DACT3: variants seen among roughly 807,000 people sequenced by gnomAD.
DACT3 encodes the protein dishevelled binding antagonist of beta catenin 3.
In DACT3, 5 loss-of-function variants were observed where a neutral mutation model predicts 19.6. That is an observed-to-expected ratio of 0.26 (90% CI 0.13 to 0.54). DACT3 has a LOEUF of 0.54. Among genes scored for constraint, DACT3 ranks in the 20% least tolerant of loss-of-function variants. DACT3 has a pLI of 0.95. For missense variants in DACT3, 908 were observed against 927.4 expected, an observed-to-expected ratio of 0.98 and a Z score of 0.27; for synonymous variants, 454 against 428.1, an observed-to-expected ratio of 1.06 and a Z score of -0.75.
In DACT3 at chr19:46,649,439, C is replaced by A; in HGVS notation, c.933G>T (p.Gly311=). ...AGGCGGCAGGGCTGGTGGGGTGGCCCCCGACGCGCTCCAACGAGGGCTCCC... is the reference window on the plus strand; with the variant it reads ...AGGCGGCAGGGCTGGTGGGGTGGCCACCGACGCGCTCCAACGAGGGCTCCC... ...PAREPSLERV[G]GHPTSPAALS... The change falls in exon 4 of 4, where the codon GGG becomes GGT. Residue 311 remains glycine, a synonymous_variant. Coordinates refer to ENST00000391916, the MANE Select transcript of DACT3 (RefSeq NM_145056.3). The A allele has an allele frequency of 8.1e-7, 1 of 1,238,298 alleles. No individual in the cohort carries two copies. Among genetic ancestry groups the A allele is most frequent in the Non-Finnish European group, 1.0e-6 (1 of 983,198 alleles). 76.7% of individuals were successfully genotyped at this position (1,238,298 alleles called of 1,614,324 possible). A position where few individuals can be genotyped will look rare whatever the true frequency, so the allele number is the denominator to read the frequency against.
Position 46,649,868 on chromosome 19 carries a change from G to A in DACT3, c.504C>T (p.Asp168=), listed in dbSNP as rs1378605852. 7.2e-7 allele frequency: 1 copy of A among 1,380,826 alleles called. No homozygotes were observed. The highest frequency in any genetic ancestry group is 9.3e-7 in the Non-Finnish European group (1 of 1,075,188). 85.5% of individuals were successfully genotyped at this position (1,380,826 alleles called of 1,614,324 possible). Residue 168 remains aspartate, a synonymous_variant, in exon 4 of 4, where the codon GAC becomes GAT. Coordinates refer to ENST00000391916, the MANE Select transcript of DACT3 (RefSeq NM_145056.3). ...CCACCTCCGGAGCGCTGGGACTGGC[G>A]TCTCCTAGGGAAGGAAGGCCAAAAA... ...YASERPKSLG[D]ASPSAPEVVG... is the part of the protein sequence containing the mutation.
intron 1 of DACT3, among the ~76,000 whole-genome samples, chr19:46,658,208 C>T (rs894672351): frequency 6.8e-6 from 1 of 147,922 alleles, no homozygotes; most frequent in Non-Finnish European, 1.5e-5. Context: ...GCCTGAACAA[C>T]ATAGCAAGAC....
At chr19:46,650,103 A>G in intron 3 of DACT3, 1 of 307,914 alleles carries the variant, frequency 3.2e-6, no homozygotes, top group Non-Finnish European at 5.8e-6. Context: ...CTGCCTCTCC[A>G]ACTCTCACAA....
At chr19:46,655,430 T>C (rs2053025542) in intron 1 of DACT3, among the ~76,000 whole-genome samples, 3 of 151,754 alleles carry the variant, frequency 2.0e-5, no homozygotes, top group African/African-American at 4.8e-5. Flanking sequence ...CTGGCCAACA[T>C]GGTGAAACCC....
chr19:46,659,242 G>A (rs1167165721), intron 1 of DACT3: 4 of 985,382 alleles, frequency 4.1e-6, no homozygotes, highest in Non-Finnish European at 4.8e-6. Flanking sequence ...AGACTGGGGG[G>A]TGGGGGGACA....
Position 46,648,612 on chromosome 19 carries a change from C to A in DACT3, c.1760G>T (p.Gly587Val), listed in dbSNP as rs899038967. ...QQLVAATAAS[G>V]GGAGAGAPAG... ...GGGCGCCCCTGCACCTGCTCCACCC[C>A]CAGAGGCCGCGGTGGCCGCCACCAG... Residue 587 changes from glycine (G) to valine (V), a missense_variant, in exon 4 of 4, where the codon GGG becomes GTG. By Grantham distance (109) the Gly-to-Val change is moderately radical. Around this residue, in one of 2 missense-constraint regions of DACT3, gnomAD observed 656 missense variants for 601.8 expected, o/e 1.09. Transcript: ENST00000391916. The surrounding 1 kb of genome is among the most constrained non-coding windows in gnomAD (Gnocchi z 5.1). 1 of 1,613,074 alleles carries A rather than the reference C, an allele frequency of 6.2e-7. No homozygotes were observed. Among genetic ancestry groups the A allele is most frequent in the Admixed American group, 1.7e-5 (1 of 60,002 alleles).
intron 1 of DACT3, among the ~76,000 whole-genome samples, chr19:46,655,852 G>A (rs1024918137): frequency 1.3e-5 from 2 of 151,176 alleles, no homozygotes; most frequent in African/African-American, 2.4e-5. Context: ...CGGGAGGATC[G>A]CTGGAGGCCG....
rs1402043840 is a variant in DACT3 at position 46,648,746 on chromosome 19, G to A, written c.1626C>T (p.Gly542=). The A allele has an allele frequency of 1.9e-6, 3 of 1,584,558 alleles. No individual in the cohort carries two copies. The highest frequency in any genetic ancestry group is 1.3e-5 in the African/African-American group (1 of 74,412). The part of the protein sequence containing the change: ...LGRRGPAGGV[G]GGYGESESSA... ...TCGATTCGCTCTCCCCGTAACCCCC[G>A]CCGACGCCTCCCGCAGGCCCCCGGC... The change falls in exon 4 of 4, where the codon GGC becomes GGT. Residue 542 remains glycine, a synonymous_variant. Transcript: ENST00000391916. This position sits in a 1 kb window ranked among gnomAD's most constrained non-coding sequence, Gnocchi z 5.1.
chr19:46,658,990 A>C (rs951493860), intron 1 of DACT3: 8 of 677,300 alleles, frequency 1.2e-5, no homozygotes, highest in Non-Finnish European at 1.5e-5. Flanking sequence ...CCTATTAGAA[A>C]GTAATCAAGT....
rs951686456 is a variant in DACT3, at chr19:46,649,501, C to T, written c.871G>A (p.Asp291Asn). Residue 291 changes from aspartate to asparagine, a missense_variant, in exon 4 of 4, where the codon GAC (aspartate) becomes AAC (asparagine). Physicochemically the swap from Asp to Asn is conservative, Grantham distance 23 (BLOSUM62 1). This residue lies in a region of DACT3 where 656 missense variants were observed against 601.8 expected (regional missense o/e 1.09). Coordinates refer to ENST00000391916, the MANE Select transcript of DACT3 (RefSeq NM_145056.3). ...GCGCTGCCGGGGGACGGAGACGCGT[C>T]GGGCGGCCGCTGGCGCACGCTGTTC... ...RQNSVRQRPPDASPSPGSARP... is the reference protein window; with the variant it reads ...RQNSVRQRPPNASPSPGSARP... The T allele has an allele frequency of 9.4e-5, 104 of 1,104,390 alleles. No individual in the cohort carries two copies. The African/African-American group carries it at 1.6e-3, about 17-fold the overall frequency. 68.4% of individuals were successfully genotyped at this position (1,104,390 alleles called of 1,614,324 possible). A position where few individuals can be genotyped will look rare whatever the true frequency, so the allele number is the denominator to read the frequency against.
Position 46,649,469 on chromosome 19 carries a change from G to C in DACT3, c.903C>G (p.Pro301=), listed in dbSNP as rs1263070754. The part of the protein sequence containing the change: ...DASPSPGSAR[P]AREPSLERVG... ...CGCGCTCCAACGAGGGCTCCCGCGC[G>C]GGTCGCGCGCTGCCGGGGGACGGAG... The change falls in exon 4 of 4, where the codon CCC becomes CCG. Residue 301 remains proline, a synonymous_variant. Transcript: ENST00000391916. The C allele has an allele frequency of 2.6e-6, 3 of 1,169,196 alleles. No homozygotes were observed. The highest frequency in any genetic ancestry group is 3.2e-6 in the Non-Finnish European group (3 of 947,848). 72.4% of individuals were successfully genotyped at this position (1,169,196 alleles called of 1,614,324 possible). A position where few individuals can be genotyped will look rare whatever the true frequency, so the allele number is the denominator to read the frequency against.
Position 46,648,417 on chromosome 19 carries a change from G to A in DACT3, c.*65C>T. On this transcript the variant is annotated 3_prime_UTR_variant, in exon 4 of 4. Coordinates refer to ENST00000391916, the MANE Select transcript of DACT3 (RefSeq NM_145056.3). The surrounding 1 kb of genome is among the most constrained non-coding windows in gnomAD (Gnocchi z 5.1). ...GGTCTTTGGAAGGTAGATGTGGAAG[G>A]GTCAGTGGTTGGGAGTGTGGAGGTG... 2 of 1,609,308 alleles carry A rather than the reference G, an allele frequency of 1.2e-6. No homozygotes were observed. Among genetic ancestry groups the A allele is most frequent in the East Asian group, 4.5e-5 (2 of 44,808 alleles).
In DACT3 at chr19:46,653,067, C is replaced by T. The variant is rs377403701; in HGVS notation, c.258G>A (p.Leu86=). The change falls in exon 2 of 4, where the codon CTG becomes CTA. Residue 86 remains leucine, a synonymous_variant. Coordinates refer to ENST00000391916, the MANE Select transcript of DACT3 (RefSeq NM_145056.3). ...AAALEEQLEA[L]PGLVWDLGQQ... is the part of the protein sequence containing the mutation. Reference sequence around the variant, plus strand: ...GTCCCAGGTCCCAGACGAGACCAGGCAGGGCCTCCTGAAGGCATAGGGAGA... The same window carrying T: ...GTCCCAGGTCCCAGACGAGACCAGGTAGGGCCTCCTGAAGGCATAGGGAGA... 5.4e-5 allele frequency: 83 copies of T among 1,551,368 alleles called. No homozygotes were observed. Among genetic ancestry groups the T allele is most frequent in the Middle Eastern group, 3.3e-4 (2 of 5,994 alleles).
In DACT3 at chr19:46,649,049, G is replaced by A; in HGVS notation, c.1323C>T (p.Pro441=). 1 of 1,281,560 alleles carries A rather than the reference G, an allele frequency of 7.8e-7. No individual in the cohort carries two copies. The highest frequency in any genetic ancestry group is 9.8e-7 in the Non-Finnish European group (1 of 1,016,638). The allele number at this position is 1,281,560 out of a possible 1,614,324, so 79.4% of individuals were successfully genotyped here. The change falls in exon 4 of 4, where the codon CCC becomes CCT. Residue 441 remains proline, a synonymous_variant. Transcript: ENST00000391916. ...CCCGCTCCGCCGTGGGGTACTTAGG[G>A]GGCCCCGAAGGGACCGCGGAGGCGC... ...LGRASAVPSG[P]PKYPTAEREE... is the part of the protein sequence containing the mutation.
At position 46,660,714 on chromosome 19, in the gene DACT3, T is replaced by A; in HGVS notation, c.249+102A>T. 7.1e-7 allele frequency: 1 copy of A among 1,399,788 alleles called. No individual in the cohort carries two copies. Among genetic ancestry groups the A allele is most frequent in the Non-Finnish European group, 9.2e-7 (1 of 1,082,430 alleles). 86.7% of individuals were successfully genotyped at this position (1,399,788 alleles called of 1,614,324 possible). A position where few individuals can be genotyped will look rare whatever the true frequency, so the allele number is the denominator to read the frequency against. On this transcript the variant is annotated intron_variant, in intron 1 of 3. Transcript: ENST00000391916. The surrounding 1 kb of genome is among the most constrained non-coding windows in gnomAD (Gnocchi z 4.9). ...CCACCCCCTGTCCTTTCTCACTCCC[T>A]GCCTACCCGGGTCCCCAACCCCCGC...
chr19:46,660,420 G>T lies in DACT3; in HGVS notation c.249+396C>A, dbSNP rs1480268059. On this transcript the variant is annotated intron_variant, in intron 1 of 3. Coordinates refer to ENST00000391916, the MANE Select transcript of DACT3 (RefSeq NM_145056.3). The surrounding 1 kb of genome is among the most constrained non-coding windows in gnomAD (Gnocchi z 4.9). ...CTGTGTCACCTTGGGTGAGTCGCTTGCTCTCTCTGAGCCTCAATTTGTTTC... is the reference window on the plus strand; with the variant it reads ...CTGTGTCACCTTGGGTGAGTCGCTTTCTCTCTCTGAGCCTCAATTTGTTTC... The T allele has an allele frequency of 1.2e-5, 2 of 170,480 alleles. No homozygotes were observed. Among genetic ancestry groups the T allele is most frequent in the Non-Finnish European group, 2.5e-5 (2 of 79,660 alleles). The allele number at this position is 170,480 out of a possible 1,614,324, so 10.6% of individuals were successfully genotyped here.
At chr19:46,659,785 G>T (rs925428088) in intron 1 of DACT3, among the ~76,000 whole-genome samples, 2 of 151,694 alleles carry the variant, frequency 1.3e-5, no homozygotes. Flanking sequence ...GATCTGCCGT[G>T]GAGCCAGGGT....
At chr19:46,654,070 T>C in intron 1 of DACT3, 3 of 985,378 alleles carry the variant, frequency 3.0e-6, no homozygotes, top group Non-Finnish European at 3.6e-6. Context: ...CTAGCCTTAC[T>C]GGTACTGCAG....
In DACT3 at chr19:46,660,792, A is replaced by C. The variant is rs1030491252; in HGVS notation, c.249+24T>G. The C allele has an allele frequency of 9.9e-5, 145 of 1,463,658 alleles. 1 individual carries two copies. In the East Asian group the frequency reaches 3.9e-3, roughly 40 times the overall value. 90.7% of individuals were successfully genotyped at this position (1,463,658 alleles called of 1,614,324 possible). On this transcript the variant is annotated intron_variant, in intron 1 of 3. Transcript: ENST00000391916. The surrounding 1 kb of genome is among the most constrained non-coding windows in gnomAD (Gnocchi z 4.9). ...GACAGACACAGACGGGGGTGGAGGG[A>C]CGGACGGACAGGCAGCCCCTTACCA...
Sources: gnomAD v4.1 joint callset for allele counts (sites outside exome capture counted in the v4.1 genomes callset) on GRCh38, gnomAD v4.1.1 for gene constraint, gnomAD v4.1.1 regional missense constraint, Gnocchi (gnomAD v3.1) non-coding constraint, MANE v1.5 for transcripts, NCBI Gene and HGNC (gene_info 2026-07-23, HGNC 2026-07-21) for gene names.